Variants in SNAP23 observed in about 807,000 individuals in gnomAD.
The protein encoded by SNAP23 is synaptosomal-associated protein 23.
A neutral mutation model predicts 29.0 loss-of-function variants in SNAP23; 11 were observed. That is an observed-to-expected ratio of 0.38 (90% CI 0.24 to 0.63). The LOEUF is 0.63. SNAP23 is among the 20% of genes least tolerant of loss of function. The probability of loss-of-function intolerance (pLI) is 0.58; values close to 1 mark genes in which losing one functional copy is unlikely to be tolerated. For missense variants in SNAP23, 220 were observed against 253.9 expected (o/e 0.87, Z 0.91); for synonymous variants, 60 against 82.9 (o/e 0.72, Z 1.50).
At chr15:42,529,214 A>G (rs567050870) in intron 6 of SNAP23, among the ~76,000 whole-genome samples, 1 of 152,202 alleles carries the variant, frequency 6.6e-6, no homozygotes, top group African/African-American at 2.4e-5. Context: ...ACAAAATCAT[A>G]TGGTGGCCAG....
At position 42,512,939 on chromosome 15, in the gene SNAP23, C is replaced by A; in HGVS notation, c.58-16C>A. The A allele has an allele frequency of 1.2e-6, 2 of 1,601,436 alleles. No homozygotes were observed. The highest frequency in any genetic ancestry group is 1.7e-6 in the Non-Finnish European group (2 of 1,170,236). The stretch of plus-strand genomic sequence containing the variant: ...CTACATATTTTGGAATGCTAAAATT[C>A]TGTGTTCTTTCCTAGTCTCTGGAAA... On this transcript the variant is annotated splice_polypyrimidine_tract_variant and intron_variant, in intron 2 of 7. Coordinates refer to ENST00000249647, the MANE Select transcript of SNAP23 (RefSeq NM_003825.4).
intron 7 of SNAP23, among the ~76,000 whole-genome samples, chr15:42,530,808 G>C (rs910391834): frequency 1.3e-5 from 2 of 152,212 alleles, no homozygotes; most frequent in African/African-American, 4.8e-5. Flanking sequence ...ACTTTAGGGT[G>C]AGTTTTTAAG....
chr15:42,506,820 C>CTT (rs757937962), intron 1 of SNAP23, among the ~76,000 whole-genome samples: 3 of 140,432 alleles, frequency 2.1e-5, no homozygotes, highest in East Asian at 4.1e-4. Flanking sequence ...ACAGAAAAAA[C>CTT]TTTTTTTTTT....
chr15:42,524,566 A>G (rs974841241), intron 5 of SNAP23, among the ~76,000 whole-genome samples: 5 of 152,144 alleles, frequency 3.3e-5, no homozygotes, highest in African/African-American at 4.8e-5. Context: ...ATGAGAATCT[A>G]ACTAATGCCT....
At chr15:42,525,570 T>C (rs944900658) in intron 5 of SNAP23, among the ~76,000 whole-genome samples, 22 of 142,870 alleles carry the variant, frequency 1.5e-4, no homozygotes, top group African/African-American at 5.6e-4. Context: ...TTCAAGTGAT[T>C]CTTCTGCCTC....
At position 42,529,597 on chromosome 15, in the gene SNAP23, T is replaced by C. The variant is rs894421347; in HGVS notation, c.426-78T>C. 1.9e-5 allele frequency: 28 copies of C among 1,490,278 alleles called. 1 individual carries two copies. The South Asian group carries it at 3.3e-4, about 17-fold the overall frequency. The allele number at this position is 1,490,278 out of a possible 1,614,324, so 92.3% of individuals were successfully genotyped here. On this transcript the variant is annotated intron_variant, in intron 6 of 7. Transcript: ENST00000249647. Reference sequence around the variant, plus strand: ...ACTTGCTGAGAGTCATTTTGGTTACTTACTTTTGTGAAAAGTAAATCCAGA... The same window carrying C: ...ACTTGCTGAGAGTCATTTTGGTTACCTACTTTTGTGAAAAGTAAATCCAGA...
Position 42,511,864 on chromosome 15 carries a change from A to G in SNAP23, c.18A>G (p.Ser6=). Residue 6 remains serine (S), a synonymous_variant, in exon 2 of 8, where the codon TCA becomes TCG. Transcript: ENST00000249647. The stretch of plus-strand genomic sequence containing the variant: ...GATTCATCATGGATAATCTGTCATC[A>G]GAAGAAATTCAACAGAGAGCTCACC... The part of the protein sequence containing the change: MDNLS[S]EEIQQRAHQI... The G allele has an allele frequency of 1.9e-6, 3 of 1,597,560 alleles. No homozygotes were observed. Among genetic ancestry groups the G allele is most frequent in the Non-Finnish European group, 2.6e-6 (3 of 1,170,950 alleles).
intron 1 of SNAP23, among the ~76,000 whole-genome samples, chr15:42,504,096 G>T (rs552869550): frequency 6.6e-6 from 1 of 151,764 alleles, no homozygotes; most frequent in Non-Finnish European, 1.5e-5. Flanking sequence ...TTGGGAGGCT[G>T]AGCCAGGAGC....
intron 5 of SNAP23, among the ~76,000 whole-genome samples, chr15:42,516,553 T>G (rs928972679): frequency 6.6e-6 from 1 of 152,026 alleles, no homozygotes; most frequent in Non-Finnish European, 1.5e-5. Flanking sequence ...ATGGTCTTGA[T>G]CTCTTGACCT....
chr15:42,528,484 T>A (rs190647859), intron 6 of SNAP23, 64 bp downstream of exon 6: 1 of 1,505,038 alleles, frequency 6.6e-7, no homozygotes, highest in East Asian at 2.3e-5. Flanking sequence ...AGGAGATGAG[T>A]TTAGCAGTAC....
At chr15:42,497,896 A>C (rs1471258217) in intron 1 of SNAP23, among the ~76,000 whole-genome samples, 2 of 152,212 alleles carry the variant, frequency 1.3e-5, no homozygotes, top group Non-Finnish European at 2.9e-5. Context: ...TGGCCAAAAC[A>C]AAGGGGCTAC....
chr15:42,528,625 G>A (rs2057530430), intron 6 of SNAP23, among the ~76,000 whole-genome samples: 2 of 152,084 alleles, frequency 1.3e-5, no homozygotes, highest in African/African-American at 4.8e-5. Context: ...TTGCTGTGTT[G>A]CCCAGGCTGG....
At chr15:42,530,383 T>C (rs899000782) in intron 7 of SNAP23, among the ~76,000 whole-genome samples, 3 of 152,234 alleles carry the variant, frequency 2.0e-5, no homozygotes, top group African/African-American at 7.2e-5. Context: ...AAAGTTGTGA[T>C]TCTTTTTTTT....
At chr15:42,496,825 T>A (rs1046099587) in intron 1 of SNAP23, among the ~76,000 whole-genome samples, 4 of 152,020 alleles carry the variant, frequency 2.6e-5, no homozygotes, top group Non-Finnish European at 1.5e-5. Flanking sequence ...AGGAAACTTA[T>A]AATCATGGTG....
upstream of SNAP23, chr15:42,491,145 G>T (rs1037762165): frequency 6.6e-6 from 1 of 152,378 alleles, no homozygotes; most frequent in African/African-American, 2.4e-5. Context: ...GCACACCGAA[G>T]CCGTCACGCT....
At chr15:42,520,551 G>A (rs1298269203) in intron 5 of SNAP23, among the ~76,000 whole-genome samples, 1 of 152,018 alleles carries the variant, frequency 6.6e-6, no homozygotes, top group African/African-American at 2.4e-5. Context: ...CTGGAGTGCA[G>A]TGGCACGATC....
Position 42,529,676 on chromosome 15 carries a change from A to G in SNAP23, c.427A>G (p.Ile143Val), listed in dbSNP as rs1321087525. The G allele has an allele frequency of 6.8e-6, 11 of 1,613,358 alleles. No homozygotes were observed. The highest frequency in any genetic ancestry group is 8.5e-6 in the Non-Finnish European group (10 of 1,179,774). ...GAATTAACTGTCTTCTTGTGATAGC[A>G]TAACTAATGATGCCAGAGAAGATGA... The part of the protein sequence containing the change: ...GAASGGYIKR[I>V]TNDAREDEME... The change falls in exon 7 of 8, where the codon ATA becomes GTA. Residue 143 changes from isoleucine (I) to valine (V), a missense_variant and splice_region_variant. Transcript: ENST00000249647.
chr15:42,518,298 G>T (rs1411479436), intron 5 of SNAP23, among the ~76,000 whole-genome samples: 1 of 152,124 alleles, frequency 6.6e-6, no homozygotes, highest in Non-Finnish European at 1.5e-5. Flanking sequence ...CATAACATGA[G>T]CTTCTTAAAG....
intron 5 of SNAP23, chr15:42,521,992 C>T (rs151151769): frequency 8.6e-5 from 18 of 210,304 alleles, no homozygotes; most frequent in African/African-American, 3.9e-4. Context: ...GAGACAGCTG[C>T]TGCAGTCTAG....
Sources: allele counts gnomAD v4.1 joint callset (sites outside exome capture counted in the v4.1 genomes callset), GRCh38; gene constraint gnomAD v4.1.1; transcripts MANE v1.5; gene names NCBI Gene and HGNC (gene_info 2026-07-23, HGNC 2026-07-21).